EIF2B3: variants seen among roughly 807,000 people sequenced by gnomAD.
EIF2B3 encodes eukaryotic translation initiation factor 2B subunit gamma.
A neutral mutation model predicts 54.1 loss-of-function variants in EIF2B3; 20 were observed. The observed-to-expected ratio is 0.37, with a 90% CI of 0.26 to 0.54. EIF2B3 has a LOEUF of 0.54. Among genes scored for constraint, EIF2B3 ranks in the 20% least tolerant of loss-of-function variants. The pLI is 0.86. For missense variants in EIF2B3, 448 were observed against 547.8 expected (o/e 0.82, Z 1.82); for synonymous variants, 153 against 188.1 (o/e 0.81, Z 1.52).
chr1:44,938,218 C>T (rs1164747869), intron 4 of EIF2B3, among the ~76,000 whole-genome samples: 6 of 152,008 alleles, frequency 3.9e-5, no homozygotes, highest in African/African-American at 1.4e-4. Flanking sequence ...GAAAAACTTA[C>T]GATTCTTTAA....
intron 10 of EIF2B3, 48 bp downstream of exon 10, chr1:44,874,630 G>A: frequency 6.3e-7 from 1 of 1,596,980 alleles, no homozygotes. Flanking sequence ...AATTTTGAAG[G>A]CATTTTTCCA....
At chr1:44,889,252 A>G (rs1029255043) in intron 6 of EIF2B3, among the ~76,000 whole-genome samples, 1 of 152,198 alleles carries the variant, frequency 6.6e-6, no homozygotes, top group Admixed American at 6.5e-5. Context: ...AAAGAGTCCT[A>G]TGGCTAGGAG....
intron 5 of EIF2B3, among the ~76,000 whole-genome samples, chr1:44,902,729 C>G (rs533719152): frequency 6.9e-6 from 1 of 145,242 alleles, no homozygotes; most frequent in South Asian, 2.3e-4. Context: ...TCGGGTGTCT[C>G]AGGTGGGAGG....
chr1:44,955,428 G>A (rs542624175), intron 3 of EIF2B3, among the ~76,000 whole-genome samples: 7 of 152,032 alleles, frequency 4.6e-5, no homozygotes, highest in Non-Finnish European at 7.4e-5. Flanking sequence ...GAAAACCTAG[G>A]CAATACCATT....
rs149400981 is a variant in EIF2B3, at chr1:44,871,224, CAT to C, written c.1202+3452_1202+3453del. ...TTGACCTCATATATCTAGGCAGACA[CAT>C]GTTTTATAGTTTTTAATCACCTTAT... On this transcript the variant is annotated intron_variant, in intron 10 of 11. Coordinates refer to ENST00000360403, the MANE Select transcript of EIF2B3 (RefSeq NM_020365.5). Among the ~76,000 whole-genome samples the C allele has an allele frequency of 7.7e-3, 1,170 of 152,282 alleles. 8 individuals carry two copies. The highest frequency in any genetic ancestry group is 0.015 in the Admixed American group (228 of 15,292).
At chr1:44,872,452 C>T (rs1285462839) in intron 10 of EIF2B3, among the ~76,000 whole-genome samples, 1 of 152,014 alleles carries the variant, frequency 6.6e-6, no homozygotes, top group Non-Finnish European at 1.5e-5. Flanking sequence ...TCAAGACCAG[C>T]CTGGGCAACA....
intron 3 of EIF2B3, among the ~76,000 whole-genome samples, chr1:44,968,083 C>T (rs1466074755): frequency 2.2e-5 from 3 of 136,034 alleles, no homozygotes; most frequent in Non-Finnish European, 5.0e-5. Flanking sequence ...AAAGAAAAGG[C>T]CTGGTGCAGT....
At chr1:44,891,715 G>T (rs1399719584) in intron 6 of EIF2B3, among the ~76,000 whole-genome samples, 4 of 152,090 alleles carry the variant, frequency 2.6e-5, no homozygotes, top group Admixed American at 2.6e-4. Context: ...TCTCAAATAT[G>T]ATCTCTGCTT....
intron 4 of EIF2B3, among the ~76,000 whole-genome samples, chr1:44,937,801 G>A (rs189900813): frequency 8.8e-5 from 13 of 147,572 alleles, no homozygotes; most frequent in African/African-American, 2.7e-4. Flanking sequence ...GGAGAATGCC[G>A]TGAACCCGGG....
chr1:44,921,750 C>A (rs917456882), intron 5 of EIF2B3, among the ~76,000 whole-genome samples: 6 of 152,056 alleles, frequency 3.9e-5, no homozygotes, highest in Admixed American at 1.3e-4. Flanking sequence ...ACCTATGTGT[C>A]TGTTTTTATG....
chr1:44,857,847 G>A (rs762168275), intron 10 of EIF2B3, 40 bp from the exon 11 acceptor site: 6 of 1,581,608 alleles, frequency 3.8e-6, no homozygotes, highest in Admixed American at 1.7e-5. Context: ...CCCAAGGCTC[G>A]CATCACCATC....
intron 4 of EIF2B3, among the ~76,000 whole-genome samples, chr1:44,927,324 T>C (rs1213743308): frequency 6.6e-6 from 1 of 151,718 alleles, no homozygotes; most frequent in Non-Finnish European, 1.5e-5. Context: ...CTCAGGGAAC[T>C]TTTTACTCAT....
At chr1:44,882,022 T>C (rs35935848) in intron 6 of EIF2B3, among the ~76,000 whole-genome samples, 1 of 152,260 alleles carries the variant, frequency 6.6e-6, no homozygotes, top group Admixed American at 6.5e-5. Context: ...TTTTTATTTA[T>C]ACTTAGCAAT....
intron 5 of EIF2B3, among the ~76,000 whole-genome samples, chr1:44,925,570 T>C (rs966938116): frequency 4.6e-5 from 7 of 152,178 alleles, no homozygotes; most frequent in African/African-American, 1.2e-4. Flanking sequence ...AAGATGAAAG[T>C]TCTCGAGATC....
chr1:44,860,782 C>T (rs1345648269), intron 10 of EIF2B3, among the ~76,000 whole-genome samples: 2 of 151,926 alleles, frequency 1.3e-5, no homozygotes, highest in Non-Finnish European at 2.9e-5. Flanking sequence ...AAATGGGCAG[C>T]TGGAAGGGAG....
intron 6 of EIF2B3, among the ~76,000 whole-genome samples, chr1:44,893,783 T>C (rs1031634764): frequency 1.3e-5 from 2 of 150,348 alleles, no homozygotes; most frequent in African/African-American, 4.9e-5. Context: ...AAGGAAGTAA[T>C]CAGCCTCAAT....
At chr1:44,963,942 G>A (rs72676586) in intron 3 of EIF2B3, among the ~76,000 whole-genome samples, 18 of 152,174 alleles carry the variant, frequency 1.2e-4, no homozygotes, top group African/African-American at 4.1e-4. Flanking sequence ...CTCAAACACA[G>A]GGCTTGCAAG....
At chr1:44,906,766 T>A (rs2148919837) in intron 5 of EIF2B3, among the ~76,000 whole-genome samples, 1 of 152,274 alleles carries the variant, frequency 6.6e-6, no homozygotes, top group East Asian at 1.9e-4. Flanking sequence ...GCTGGGCAAA[T>A]AACTTTCTCC....
intron 10 of EIF2B3, among the ~76,000 whole-genome samples, chr1:44,860,749 C>T (rs1250521803): frequency 3.3e-5 from 5 of 151,850 alleles, no homozygotes; most frequent in Admixed American, 2.0e-4. Context: ...ATTCAGTACC[C>T]GAGTCAGAAA....
Sources: allele counts gnomAD v4.1 joint callset (sites outside exome capture counted in the v4.1 genomes callset), GRCh38; gene constraint gnomAD v4.1.1; transcripts MANE v1.5; gene names NCBI Gene and HGNC (gene_info 2026-07-23, HGNC 2026-07-21).